The following AOAH variants were observed in gnomAD, a reference collection of about 807,000 sequenced individuals.
The protein encoded by AOAH is acyloxyacyl hydrolase (neutrophil).
AOAH carries 64 observed loss-of-function variants against 92.2 expected under a neutral mutation model. The observed-to-expected ratio is 0.69, with a 90% CI of 0.57 to 0.86. The LOEUF is 0.86. AOAH is among the 40% of genes least tolerant of loss of function. The pLI is 0.00. For synonymous variants in AOAH, 263 were observed against 254.5 expected, an observed-to-expected ratio of 1.03 and a Z score of -0.32; for missense variants, 656 against 694.6, an observed-to-expected ratio of 0.94 and a Z score of 0.62.
At chr7:36,671,217 C>A (rs959427616) in intron 3 of AOAH, among the ~76,000 whole-genome samples, 11 of 152,074 alleles carry the variant, frequency 7.2e-5, no homozygotes, top group Admixed American at 1.3e-4. Flanking sequence ...TGTAATCATA[C>A]TTTTTTTAAA....
intron 1 of AOAH, among the ~76,000 whole-genome samples, chr7:36,694,694 A>G (rs1797603095): frequency 1.3e-5 from 2 of 152,332 alleles, no homozygotes; most frequent in South Asian, 4.1e-4. Flanking sequence ...TGACAAATCC[A>G]TATTTTATTA....
In AOAH at chr7:36,517,210, C is replaced by CTTTCTTTCTTTCTT. The variant is rs1346473171; in HGVS notation, c.1600-3831_1600-3830insAAGAAAGAAAGAAA. ...TCTTTCTTTCTTTCTTTCTTTCTTT[C>CTTTCTTTCTTTCTT]TTTCTCTTTCTTTCTGTCTCTCTCT... On this transcript the variant is annotated intron_variant, in intron 20 of 20. Coordinates refer to ENST00000617537, the MANE Select transcript of AOAH (RefSeq NM_001637.4). Among the ~76,000 whole-genome samples the CTTTCTTTCTTTCTT allele has an allele frequency of 7.3e-3, 487 of 66,866 alleles. 8 individuals are homozygous for CTTTCTTTCTTTCTT. Among genetic ancestry groups the CTTTCTTTCTTTCTT allele is most frequent in the Non-Finnish European group, 0.01 (308 of 29,812 alleles). The allele number at this position is 66,866 out of a possible 152,430, so 43.9% of individuals were successfully genotyped here.
chr7:36,596,528 C>T (rs1790137471), intron 11 of AOAH, among the ~76,000 whole-genome samples: 1 of 151,916 alleles, frequency 6.6e-6, no homozygotes, highest in Non-Finnish European at 1.5e-5. Flanking sequence ...TATGACTGGT[C>T]CTTATAAGAA....
chr7:36,624,809 C>T (rs1043655120), intron 6 of AOAH, among the ~76,000 whole-genome samples: 3 of 152,192 alleles, frequency 2.0e-5, no homozygotes, highest in South Asian at 2.1e-4. Flanking sequence ...CCAGCAACCC[C>T]GCAGCAAGTG....
At chr7:36,617,446 C>T (rs1391883404) in intron 10 of AOAH, among the ~76,000 whole-genome samples, 1 of 152,246 alleles carries the variant, frequency 6.6e-6, no homozygotes, top group Non-Finnish European at 1.5e-5. Context: ...TATTCCTCTT[C>T]CTGCCCTCTG....
At chr7:36,685,142 A>G (rs2116762398) in intron 2 of AOAH, among the ~76,000 whole-genome samples, 1 of 152,178 alleles carries the variant, frequency 6.6e-6, no homozygotes, top group African/African-American at 2.4e-5. Flanking sequence ...TACTAAAGGA[A>G]TGCAATCAAC....
At chr7:36,710,707 C>T (rs1798715407) in intron 1 of AOAH, among the ~76,000 whole-genome samples, 1 of 152,188 alleles carries the variant, frequency 6.6e-6, no homozygotes, top group Non-Finnish European at 1.5e-5. Flanking sequence ...TCCTTTGAAA[C>T]ACCCAAGATT....
chr7:36,723,335 C>A (rs1248866500), intron 1 of AOAH, among the ~76,000 whole-genome samples: 3 of 150,854 alleles, frequency 2.0e-5, no homozygotes, highest in Non-Finnish European at 4.4e-5. Flanking sequence ...TGCTCTCATC[C>A]AAAAAAAACA....
intron 11 of AOAH, among the ~76,000 whole-genome samples, chr7:36,615,092 C>T (rs971307331): frequency 6.6e-6 from 1 of 152,170 alleles, no homozygotes; most frequent in Non-Finnish European, 1.5e-5. Context: ...TTCCAAACTT[C>T]CCGAGTCTGG....
At chr7:36,610,278 T>C (rs1791356151) in intron 11 of AOAH, among the ~76,000 whole-genome samples, 1 of 151,030 alleles carries the variant, frequency 6.6e-6, no homozygotes, top group African/African-American at 2.4e-5. Flanking sequence ...ATAATGAGTA[T>C]AAAAACAAAG....
chr7:36,517,202 CTTTCTT>C (rs1399964668), intron 20 of AOAH, among the ~76,000 whole-genome samples: 3 of 69,286 alleles, frequency 4.3e-5, no homozygotes, highest in African/African-American at 1.0e-4. Flanking sequence ...TTCTTTCTTT[CTTTCTT>C]TCTTTCTCTT....
At chr7:36,564,200 C>A (rs1787508046) in intron 13 of AOAH, among the ~76,000 whole-genome samples, 1 of 152,182 alleles carries the variant, frequency 6.6e-6, no homozygotes, top group Admixed American at 6.5e-5. Flanking sequence ...TTTATTTCTT[C>A]AGGGCTCTCA....
intron 1 of AOAH, among the ~76,000 whole-genome samples, chr7:36,704,306 T>C (rs1452328499): frequency 6.6e-6 from 1 of 152,196 alleles, no homozygotes; most frequent in Non-Finnish European, 1.5e-5. Context: ...GTAGGTTGCC[T>C]GTTCACTCTG....
At chr7:36,581,336 T>A (rs917827850) in intron 12 of AOAH, among the ~76,000 whole-genome samples, 9 of 152,194 alleles carry the variant, frequency 5.9e-5, no homozygotes, top group Non-Finnish European at 1.5e-5. Context: ...GCTCTTCTTG[T>A]TCTCTTCGTC....
intron 3 of AOAH, among the ~76,000 whole-genome samples, chr7:36,660,039 C>T (rs1795118949): frequency 6.6e-6 from 1 of 152,174 alleles, no homozygotes; most frequent in Non-Finnish European, 1.5e-5. Flanking sequence ...GTCTTATGAT[C>T]TCTCCACCAT....
chr7:36,522,089 C>G lies in AOAH; in HGVS notation c.1549G>C (p.Gly517Arg). Reference sequence around the variant, plus strand: ...GGCTCGATGAGCTGCCAGGGCTGTCCGCCTCTCTTCTGCCACTCCTGTATG... The same window carrying G: ...GGCTCGATGAGCTGCCAGGGCTGTCGGCCTCTCTTCTGCCACTCCTGTATG... ...EIIQEWQKRG[G>R]QPWQLIEPVD... Residue 517 changes from glycine to arginine, a missense_variant, in exon 20 of 21, where the codon GGA becomes CGA. Transcript: ENST00000617537. 2 of 1,614,202 alleles carry G rather than the reference C, an allele frequency of 1.2e-6. No individual in the cohort carries two copies. Among genetic ancestry groups the G allele is most frequent in the Non-Finnish European group, 1.7e-6 (2 of 1,180,036 alleles).
chr7:36,652,895 G>T (rs1333527563), intron 4 of AOAH, among the ~76,000 whole-genome samples: 2 of 152,198 alleles, frequency 1.3e-5, no homozygotes, highest in Admixed American at 1.3e-4. Flanking sequence ...CTAGATCCTG[G>T]AACAGAAGAG....
chr7:36,622,734 T>C (rs1792370694), intron 7 of AOAH, among the ~76,000 whole-genome samples: 1 of 152,206 alleles, frequency 6.6e-6, no homozygotes, highest in Admixed American at 6.5e-5. Flanking sequence ...ATCATCACAA[T>C]GCTACAAAAT....
intron 13 of AOAH, among the ~76,000 whole-genome samples, chr7:36,559,657 T>C (rs905809045): frequency 2.0e-5 from 3 of 152,198 alleles, no homozygotes; most frequent in African/African-American, 4.8e-5. Flanking sequence ...TCGACCTTGA[T>C]TGGATGCATC....
Sources: gnomAD v4.1 joint callset for allele counts (sites outside exome capture counted in the v4.1 genomes callset) on GRCh38, gnomAD v4.1.1 for gene constraint, MANE v1.5 for transcripts, NCBI Gene and HGNC (gene_info 2026-07-23, HGNC 2026-07-21) for gene names.